The following GLYAT variants were observed in gnomAD, a reference collection of about 807,000 sequenced individuals.
GLYAT encodes the protein glycine N-acyltransferase.
GLYAT carries 25 observed loss-of-function variants against 22.8 expected under a neutral mutation model. The observed-to-expected ratio is 1.09, with a 90% confidence interval of 0.80 to 1.53. The LOEUF is 1.53. Among genes scored for constraint, GLYAT ranks in the 40% most tolerant of loss-of-function variants. The pLI is 0.00. For missense variants in GLYAT, 411 were observed against 353.9 expected (o/e 1.16, Z -1.29); for synonymous variants, 140 against 122.7 (o/e 1.14, Z -0.93).
intron 2 of GLYAT, among the ~76,000 whole-genome samples, chr11:58,716,960 A>G (rs1372031368): frequency 6.6e-6 from 1 of 152,184 alleles, no homozygotes; most frequent in Non-Finnish European, 1.5e-5. Context: ...AGAAGCTTTC[A>G]GGTCACAGAT....
chr11:58,729,951 C>A (rs1196697310), intron 1 of GLYAT, among the ~76,000 whole-genome samples: 2 of 152,128 alleles, frequency 1.3e-5, no homozygotes, highest in Admixed American at 1.3e-4. Flanking sequence ...TTTGGAACCA[C>A]CCTCTAAGGA....
chr11:58,719,694 T>C (rs1463639765), intron 2 of GLYAT, among the ~76,000 whole-genome samples: 1 of 151,960 alleles, frequency 6.6e-6, no homozygotes, highest in Non-Finnish European at 1.5e-5. Flanking sequence ...TTGCTGTCAG[T>C]GTTTAAAATT....
chr11:58,723,868 G>A (rs1226034984), intron 2 of GLYAT, among the ~76,000 whole-genome samples: 1 of 151,708 alleles, frequency 6.6e-6, no homozygotes, highest in East Asian at 1.9e-4. Flanking sequence ...AGAGATACTG[G>A]GAGCTAGCCC....
chr11:58,721,872 C>T (rs1449799175), intron 2 of GLYAT, among the ~76,000 whole-genome samples: 2 of 151,630 alleles, frequency 1.3e-5, no homozygotes, highest in Non-Finnish European at 2.9e-5. Context: ...ATTTAGAGTT[C>T]TCCTTTCAAT....
chr11:58,712,062 C>A (rs1590666837), intron 4 of GLYAT, among the ~76,000 whole-genome samples: 1 of 152,212 alleles, frequency 6.6e-6, no homozygotes, highest in East Asian at 1.9e-4. Flanking sequence ...GTCCACCCAT[C>A]AACTACAGCT....
chr11:58,714,138 T>C (rs1212891825), intron 3 of GLYAT, among the ~76,000 whole-genome samples: 1 of 152,014 alleles, frequency 6.6e-6, no homozygotes, highest in Non-Finnish European at 1.5e-5. Context: ...AGTAGAATGG[T>C]AGTTATCAGC....
chr11:58,719,238 G>GA (rs1433361735), intron 2 of GLYAT, among the ~76,000 whole-genome samples: 1 of 151,908 alleles, frequency 6.6e-6, no homozygotes, highest in Non-Finnish European at 1.5e-5. Flanking sequence ...AAAAAACAGT[G>GA]AAAACCTTCA....
At chr11:58,717,122 G>A (rs1238189233) in intron 2 of GLYAT, among the ~76,000 whole-genome samples, 6 of 151,638 alleles carry the variant, frequency 4.0e-5, no homozygotes, top group Non-Finnish European at 7.4e-5. Context: ...TTAGGGATTT[G>A]GGGGGGCCCA....
Position 58,710,172 on chromosome 11 carries a change from T to C in GLYAT, c.489-4A>G. The stretch of plus-strand genomic sequence containing the variant: ...GAGTTTAAACATCTCTTGGTTGCTA[T>C]GGAGGGTCCAAGAAGAAAACAAAAT... On this transcript the variant is annotated splice_region_variant and splice_polypyrimidine_tract_variant and intron_variant, in intron 5 of 5. Coordinates refer to ENST00000344743, the MANE Select transcript of GLYAT (RefSeq NM_201648.3). 3.1e-6 allele frequency: 5 copies of C among 1,607,256 alleles called. No individual in the cohort carries two copies. The highest frequency in any genetic ancestry group is 4.3e-6 in the Non-Finnish European group (5 of 1,176,174).
intron 2 of GLYAT, among the ~76,000 whole-genome samples, chr11:58,723,773 GCATTTATATATATC>G (rs1460526129): frequency 2.6e-5 from 4 of 151,616 alleles, no homozygotes; most frequent in East Asian, 1.9e-4. Context: ...CTGGATGTAG[GCATTTATATATATC>G]CATTTATATA....
chr11:58,715,320 TC>T lies in GLYAT; in HGVS notation c.184del (p.Glu62SerfsTer4). On this transcript the variant is annotated frameshift_variant, in exon 3 of 6. Transcript: ENST00000344743. LOFTEE classifies it high-confidence loss of function. ...DFNTVVVCPQ[E>X]QDMTDDLDHY... Reference sequence around the variant, plus strand: ...TATTCACACATGGAAACTTACCTGCTCCTGAGGGCAGACAACCACTGTATTA... The same window carrying T: ...TATTCACACATGGAAACTTACCTGCTCTGAGGGCAGACAACCACTGTATTA... The T allele has an allele frequency of 1.4e-6, 2 of 1,431,672 alleles. No individual in the cohort carries two copies. Among genetic ancestry groups the T allele is most frequent in the Non-Finnish European group, 2.0e-6 (2 of 1,015,150 alleles). 88.7% of individuals were successfully genotyped at this position (1,431,672 alleles called of 1,614,324 possible).
intron 1 of GLYAT, 48 bp from the exon 2 acceptor site, chr11:58,724,559 G>A (rs182855607): frequency 1.2e-4 from 127 of 1,024,540 alleles, no homozygotes; most frequent in Non-Finnish European, 1.7e-4. Flanking sequence ...AGCTAGAGGA[G>A]ATTCTGAAAC....
At chr11:58,727,895 A>C (rs1856825972) in intron 1 of GLYAT, among the ~76,000 whole-genome samples, 1 of 152,096 alleles carries the variant, frequency 6.6e-6, no homozygotes, top group South Asian at 2.1e-4. Context: ...CCACAAGGGA[A>C]GAATCAAGGG....
In GLYAT at chr11:58,726,026, C is replaced by T. The variant is rs552940524; in HGVS notation, c.-15-1515G>A. On this transcript the variant is annotated intron_variant, in intron 1 of 5. Transcript: ENST00000344743. ...CATGCTTAAGCCTGCTTGCCCAACT[C>T]CTGAGGTCTTGTCAGGAAGCTGCTG... Among the ~76,000 whole-genome samples, 58 of 152,240 alleles carry T rather than the reference C, an allele frequency of 3.8e-4. No individual in the cohort carries two copies. The South Asian group carries it at 0.012, about 30-fold the overall frequency.
At position 58,728,185 on chromosome 11, in the gene GLYAT, C is replaced by T. The variant is rs150706788; in HGVS notation, c.-16+3650G>A. 4.1e-3 allele frequency among the ~76,000 whole-genome samples: 597 copies of T among 146,376 alleles called. 7 individuals carry two copies. Among genetic ancestry groups the T allele is most frequent in the African/African-American group, 0.014 (565 of 39,502 alleles). On this transcript the variant is annotated intron_variant, in intron 1 of 5. Coordinates refer to ENST00000344743, the MANE Select transcript of GLYAT (RefSeq NM_201648.3). ...TCAAGCAATTTTCCTGCCTCAGATT[C>T]CTGAGTAGCTGGGATTACAGGCACG...
intron 1 of GLYAT, among the ~76,000 whole-genome samples, chr11:58,728,895 AAGGAAGGAAGGAAGGAAGGAAGGAAG>A (rs1856841430): frequency 1.9e-5 from 2 of 102,658 alleles, no homozygotes; most frequent in Non-Finnish European, 4.2e-5. Context: ...AGAAAGAAGG[AAGGAAGGAAGGAAGGAAGGAAGGAAG>A]GAAGGAAGGA....
intron 4 of GLYAT, 40 bp from the exon 5 acceptor site, chr11:58,710,801 T>A: frequency 8.2e-7 from 1 of 1,212,610 alleles, no homozygotes; most frequent in Non-Finnish European, 1.2e-6. Context: ...GGTTTAGGTA[T>A]ATTCTAGACT....
rs117780768 is a variant in GLYAT, at chr11:58,729,952, C to G, written c.-16+1883G>C. ...TCTGAAGAGTAGAGTTTGGAACCAC[C>G]CTCTAAGGATGTACTTACAAACTAA... On this transcript the variant is annotated intron_variant, in intron 1 of 5. Transcript: ENST00000344743. Among the ~76,000 whole-genome samples the G allele has an allele frequency of 4.7e-3, 717 of 152,164 alleles. 7 individuals are homozygous for G. Among genetic ancestry groups the G allele is most frequent in the Middle Eastern group, 0.02 (6 of 294 alleles).
chr11:58,711,204 C>A (rs1856612827), intron 4 of GLYAT, among the ~76,000 whole-genome samples: 1 of 152,298 alleles, frequency 6.6e-6, no homozygotes, highest in East Asian at 1.9e-4. Flanking sequence ...TTACTTGCCC[C>A]TTCCTTTGTT....
Sources: gnomAD v4.1 joint callset for allele counts (sites outside exome capture counted in the v4.1 genomes callset) on GRCh38, gnomAD v4.1.1 for gene constraint, MANE v1.5 for transcripts, NCBI Gene and HGNC (gene_info 2026-07-23, HGNC 2026-07-21) for gene names.